Variants in ALDH7A1 observed in about 807,000 individuals in gnomAD.
The protein encoded by ALDH7A1 is alpha-aminoadipic semialdehyde dehydrogenase.
Under a neutral mutation model 79.9 loss-of-function variants are expected in ALDH7A1, and 63 were observed. That is an observed-to-expected ratio of 0.79 (90% confidence interval 0.64 to 0.97). ALDH7A1 has a LOEUF of 0.97. Among genes scored for constraint, ALDH7A1 ranks in the 50% least tolerant of loss-of-function variants. The pLI, the probability that ALDH7A1 is intolerant of heterozygous loss-of-function variation, is 0.00. For synonymous variants in ALDH7A1, 240 were observed against 231.2 expected (o/e 1.04, Z -0.34); for missense variants, 627 against 665.2 (o/e 0.94, Z 0.63).
chr5:126,560,452 C>G (rs1052582887), intron 10 of ALDH7A1, among the ~76,000 whole-genome samples: 6 of 152,116 alleles, frequency 3.9e-5, no homozygotes, highest in African/African-American at 1.4e-4. Flanking sequence ...GCCTGGGTGA[C>G]AGAGTAAGAC....
chr5:126,545,791 C>CAA (rs561880588), intron 17 of ALDH7A1, among the ~76,000 whole-genome samples: 4 of 128,184 alleles, frequency 3.1e-5, no homozygotes, highest in African/African-American at 1.1e-4. Flanking sequence ...GACTCCATCT[C>CAA]AAAAAAAAAA....
At chr5:126,589,419 G>C (rs1331033167) in intron 3 of ALDH7A1, among the ~76,000 whole-genome samples, 1 of 151,938 alleles carries the variant, frequency 6.6e-6, no homozygotes, top group African/African-American at 2.4e-5. Flanking sequence ...GCCTCCCAAA[G>C]TGCTGGGATT....
chr5:126,549,258 T>C (rs1749908071), intron 16 of ALDH7A1, among the ~76,000 whole-genome samples: 1 of 152,132 alleles, frequency 6.6e-6, no homozygotes, highest in African/African-American at 2.4e-5. Context: ...CAAATAGTAA[T>C]TGTAGTATCT....
rs1161725519 is a variant in ALDH7A1 at position 126,544,780 on chromosome 5, A to T, written c.*185T>A. 5 of 601,662 alleles carry T rather than the reference A, an allele frequency of 8.3e-6. No homozygotes were observed. The highest frequency in any genetic ancestry group is 1.2e-5 in the Non-Finnish European group (4 of 339,530). 37.3% of individuals were successfully genotyped at this position (601,662 alleles called of 1,614,324 possible). On this transcript the variant is annotated 3_prime_UTR_variant, in exon 18 of 18. Transcript: ENST00000409134. ...TTAGTAACTATGGCTATGTTGTAACAATTTTATTTTGATTTTTAAAAAAGG... is the reference window on the plus strand; with the variant it reads ...TTAGTAACTATGGCTATGTTGTAACTATTTTATTTTGATTTTTAAAAAAGG...
chr5:126,584,153 C>T, intron 3 of ALDH7A1, 141 bp from the exon 4 acceptor site: 2 of 751,698 alleles, frequency 2.7e-6, no homozygotes, highest in Non-Finnish European at 4.6e-6. Context: ...GTGATATGGC[C>T]AGGCACTGGA....
chr5:126,567,896 G>T lies in ALDH7A1; in HGVS notation c.871+363C>A, dbSNP rs1367979174. 4.7e-5 allele frequency: 14 copies of T among 300,204 alleles called. 1 individual carries two copies. The highest frequency in any genetic ancestry group is 1.6e-4 in the African/African-American group (7 of 44,804). The allele number at this position is 300,204 out of a possible 1,614,324, so 18.6% of individuals were successfully genotyped here. On this transcript the variant is annotated intron_variant, in intron 9 of 17. Transcript: ENST00000409134. ...CCTCCCGGGTTCAGACCATTCTCTTGCCTCAGCCTCCCGAGTAGCTGGGAC... is the reference window on the plus strand; with the variant it reads ...CCTCCCGGGTTCAGACCATTCTCTTTCCTCAGCCTCCCGAGTAGCTGGGAC...
chr5:126,584,265 C>T (rs1373155824), intron 3 of ALDH7A1: 2 of 495,662 alleles, frequency 4.0e-6, no homozygotes, highest in Admixed American at 3.5e-5. Flanking sequence ...CAAATAATTA[C>T]AAATTGCCAT....
chr5:126,594,676 C>T (rs912444822), intron 1 of ALDH7A1, among the ~76,000 whole-genome samples: 1 of 151,918 alleles, frequency 6.6e-6, no homozygotes, highest in Non-Finnish European at 1.5e-5. Flanking sequence ...GAACTCGCTA[C>T]CTCAGGTGAT....
Position 126,549,955 on chromosome 5 carries a change from CTTG to C in ALDH7A1, c.1460_1462del (p.Thr487del), listed in dbSNP as rs777187854. Reference sequence around the variant, plus strand: ...AAAGGCACCTCCAATCTCAGCCCCACTTGTTGGAATGTTGACATTTACAATGCC... The same window carrying C: ...AAAGGCACCTCCAATCTCAGCCCCACTTGGAATGTTGACATTTACAATGCC... On this transcript the variant is annotated inframe_deletion, in exon 16 of 18. Coordinates refer to ENST00000409134, the MANE Select transcript of ALDH7A1 (RefSeq NM_001182.5). The C allele has an allele frequency of 6.2e-7, 1 of 1,614,128 alleles. No homozygotes were observed. The highest frequency in any genetic ancestry group is 8.5e-7 in the Non-Finnish European group (1 of 1,180,030).
intron 3 of ALDH7A1, 147 bp downstream of exon 3, chr5:126,592,517 A>G: frequency 1.4e-6 from 1 of 739,290 alleles, no homozygotes; most frequent in Non-Finnish European, 2.3e-6. Flanking sequence ...CCAAAACAGC[A>G]GGAGCCCTAG....
intron 8 of ALDH7A1, chr5:126,569,292 TC>T (rs1750699200): frequency 6.6e-6 from 1 of 152,240 alleles, no homozygotes; most frequent in Non-Finnish European, 1.5e-5. Flanking sequence ...AAAATTGTCT[TC>T]CACTAAACCA....
intron 7 of ALDH7A1, among the ~76,000 whole-genome samples, chr5:126,572,594 T>C (rs1375712109): frequency 6.6e-6 from 1 of 152,222 alleles, no homozygotes; most frequent in African/African-American, 2.4e-5. Flanking sequence ...GTCACTTCCA[T>C]CTGAACTGAG....
chr5:126,588,026 G>T (rs1488945318), intron 3 of ALDH7A1: 1 of 152,210 alleles, frequency 6.6e-6, no homozygotes, highest in East Asian at 1.9e-4. Context: ...AGCACCAGAA[G>T]TATGAGAAAG....
In ALDH7A1 at chr5:126,552,019, A is replaced by G. The variant is rs1389460034; in HGVS notation, c.1317+2T>C. 1 of 1,608,402 alleles carries G rather than the reference A, an allele frequency of 6.2e-7. No homozygotes were observed. On this transcript the variant is annotated splice_donor_variant, in intron 14 of 17. Coordinates refer to ENST00000409134, the MANE Select transcript of ALDH7A1 (RefSeq NM_001182.5). LOFTEE classifies it high-confidence loss of function. ...AGGCTAGCGAACAGAATGCATTTTT[A>G]CCTTGAATTTAAAGACATAGAGAAT...
chr5:126,567,387 T>C (rs901157107), intron 9 of ALDH7A1, among the ~76,000 whole-genome samples: 1 of 152,200 alleles, frequency 6.6e-6, no homozygotes, highest in Non-Finnish European at 1.5e-5. Context: ...GTACTATTTC[T>C]TTACAGCACC....
rs113950002 is a variant in ALDH7A1 at position 126,542,657 on chromosome 5, C to CA, written c.*2307dup. The CA allele has an allele frequency of 3.5e-4, 53 of 150,298 alleles. No homozygotes were observed. Among genetic ancestry groups the CA allele is most frequent in the Admixed American group, 4.0e-4 (6 of 15,090 alleles). The allele number at this position is 150,298 out of a possible 1,614,324, so 9.3% of individuals were successfully genotyped here. A position where few individuals can be genotyped will look rare whatever the true frequency, so the allele number is the denominator to read the frequency against. Reference sequence around the variant, plus strand: ...TCCAGTGTGGGCAAAACTGAGACACCAAAAAAAAAGAAGTGTTCTGTGGTT... The same window carrying CA: ...TCCAGTGTGGGCAAAACTGAGACACCAAAAAAAAAAGAAGTGTTCTGTGGTT... On this transcript the variant is annotated 3_prime_UTR_variant, in exon 18 of 18. Coordinates refer to ENST00000409134, the MANE Select transcript of ALDH7A1 (RefSeq NM_001182.5).
chr5:126,578,101 C>T (rs2112795806), intron 5 of ALDH7A1, among the ~76,000 whole-genome samples: 1 of 150,354 alleles, frequency 6.7e-6, no homozygotes, highest in Non-Finnish European at 1.5e-5. Flanking sequence ...TCAGCCTGGC[C>T]AACATGGTGA....
chr5:126,556,589 G>C (rs1199778700), intron 11 of ALDH7A1, among the ~76,000 whole-genome samples: 1 of 152,056 alleles, frequency 6.6e-6, no homozygotes, highest in Non-Finnish European at 1.5e-5. Context: ...ATTTGTCTAA[G>C]CTTCACAAAT....
intron 14 of ALDH7A1, 82 bp from the exon 15 acceptor site, chr5:126,550,375 T>C: frequency 9.5e-7 from 1 of 1,048,126 alleles, no homozygotes; most frequent in Non-Finnish European, 1.5e-6. Flanking sequence ...TTTCCTGAAG[T>C]GTACCAGTAT....
Sources: allele counts gnomAD v4.1 joint callset (sites outside exome capture counted in the v4.1 genomes callset), GRCh38; gene constraint gnomAD v4.1.1; transcripts MANE v1.5; gene names NCBI Gene and HGNC (gene_info 2026-07-23, HGNC 2026-07-21).